MRAP: variants seen among roughly 807,000 people sequenced by gnomAD.
MRAP encodes the protein melanocortin 2 receptor accessory protein.
Under a neutral mutation model 8.7 loss-of-function variants are expected in MRAP, and 8 were observed. That is an observed-to-expected ratio of 0.92 (90% confidence interval 0.54 to 1.66). The LOEUF is 1.66. Ranked by LOEUF, MRAP falls within the 40% of genes most tolerant of loss-of-function variation. MRAP has a pLI of 0.00. For synonymous variants in MRAP, 95 were observed against 95.5 expected (o/e 1.00, Z 0.03); for missense variants, 237 against 217.1 (o/e 1.09, Z -0.58).
downstream of MRAP, chr21:32,314,732 GT>G: frequency 6.7e-7 from 1 of 1,500,640 alleles, no homozygotes; most frequent in Non-Finnish European, 9.2e-7. Flanking sequence ...ACAGGCCCGA[GT>G]TTATCATTTA....
chr21:32,311,916 A>AC lies in MRAP; in HGVS notation c.442dup (p.Leu148ProfsTer35). 5 of 1,613,718 alleles carry AC rather than the reference A, an allele frequency of 3.1e-6. No homozygotes were observed. Among genetic ancestry groups the AC allele is most frequent in the Non-Finnish European group, 4.2e-6 (5 of 1,180,018 alleles). ...CCACCCCACTCTCCTCTGGGAACTG[A>AC]CCCTCAATGGGGGTCCCCTCGTCAG... is the stretch of plus-strand genomic sequence containing the variant. On this transcript the variant is annotated frameshift_variant, in exon 3 of 3. Transcript: ENST00000303645. LOFTEE classifies it low-confidence loss of function (END_TRUNC).
chr21:32,309,855 A>G (rs890634899), intron 2 of MRAP, among the ~76,000 whole-genome samples: 2 of 151,844 alleles, frequency 1.3e-5, no homozygotes, highest in Non-Finnish European at 2.9e-5. Flanking sequence ...AGGCAAGAGA[A>G]TCGCTTGAAC....
At chr21:32,303,474 C>T (rs1203218370) in intron 1 of MRAP, among the ~76,000 whole-genome samples, 2 of 152,220 alleles carry the variant, frequency 1.3e-5, no homozygotes, top group Non-Finnish European at 2.9e-5. Flanking sequence ...GCCATGCCAT[C>T]CAGAACCATT....
At chr21:32,300,373 CTA>C (rs952007442) in intron 1 of MRAP, among the ~76,000 whole-genome samples, 17 of 147,448 alleles carry the variant, frequency 1.2e-4, no homozygotes, top group African/African-American at 3.8e-4. Flanking sequence ...GTCACACATC[CTA>C]TGTCAGGGGC....
intron 1 of MRAP, chr21:32,291,933 A>T (rs1264949896): frequency 1.3e-5 from 2 of 152,214 alleles, no homozygotes; most frequent in East Asian, 3.8e-4. Flanking sequence ...TTAGAAAGAG[A>T]GAGAGTAAGA....
upstream of MRAP, among the ~76,000 whole-genome samples, chr21:32,296,327 A>G (rs955884348): frequency 4.6e-5 from 7 of 152,242 alleles, no homozygotes; most frequent in African/African-American, 1.7e-4. Context: ...AGCACAATTC[A>G]GCCCAGAATA....
At chr21:32,294,157 C>G (rs1423090346), upstream of MRAP, among the ~76,000 whole-genome samples, 22 of 152,174 alleles carry the variant, frequency 1.4e-4, no homozygotes. Context: ...CTCAGTTGCC[C>G]AGGCTGGAGT....
At chr21:32,314,493 A>G, downstream of MRAP, 2 of 1,526,798 alleles carry the variant, frequency 1.3e-6, no homozygotes, top group Non-Finnish European at 1.8e-6. Context: ...TGAAAAATAA[A>G]CTTTAAACAT....
At chr21:32,302,473 A>G (rs1214381940) in intron 1 of MRAP, among the ~76,000 whole-genome samples, 1 of 152,248 alleles carries the variant, frequency 6.6e-6, no homozygotes, top group East Asian at 1.9e-4. Context: ...TGGTACATTC[A>G]TTGAGAAAGT....
intron 1 of MRAP, among the ~76,000 whole-genome samples, chr21:32,303,984 A>AT (rs1257313268): frequency 2.6e-5 from 4 of 152,186 alleles, no homozygotes; most frequent in Non-Finnish European, 5.9e-5. Context: ...TTCTTGCTCA[A>AT]TATCTGGGGA....
In MRAP at chr21:32,306,664, T is replaced by C. The variant is rs773369978; in HGVS notation, c.131T>C (p.Val44Ala). The change falls in exon 2 of 3, where the codon GTG becomes GCG. Residue 44 changes from valine (V) to alanine (A), a missense_variant. Val to Ala is a moderately conservative substitution (Grantham distance 64). Coordinates refer to ENST00000303645, the MANE Select transcript of MRAP (RefSeq NM_001379228.1). ...HKHSIVIAFW[V>A]SLAAFVVLLF... is the part of the protein sequence containing the mutation. ...GATTCCATCGTGATCGCATTCTGGG[T>C]GAGCCTGGCTGCCTTCGTGGTGCTG... The C allele has an allele frequency of 1.2e-6, 2 of 1,614,140 alleles. No homozygotes were observed. The highest frequency in any genetic ancestry group is 1.7e-6 in the Non-Finnish European group (2 of 1,180,020).
chr21:32,298,993 T>C lies in MRAP; in HGVS notation c.22T>C (p.Ser8Pro). MANGTNA[S>P]APYYSYEYYL... ...AGACATGGCCAACGGGACCAACGCC[T>C]CTGCCCCATACTACAGCTATGAATA... Residue 8 changes from serine to proline, a missense_variant, in exon 1 of 3, where the codon TCT becomes CCT. Transcript: ENST00000303645. 6.2e-7 allele frequency: 1 copy of C among 1,614,114 alleles called. No homozygotes were observed. Among genetic ancestry groups the C allele is most frequent in the Non-Finnish European group, 8.5e-7 (1 of 1,179,966 alleles).
intron 1 of MRAP, chr21:32,291,884 G>A (rs1349362595): frequency 1.3e-5 from 2 of 151,948 alleles, no homozygotes; most frequent in Non-Finnish European, 2.9e-5. Context: ...TCTCAATTTT[G>A]CTATGAATAT....
Position 32,311,945 on chromosome 21 carries a change from C to T in MRAP, c.468C>T (p.Ser156=), listed in dbSNP as rs755878119. ...LTLNGGPLVR[S]KPSEPPPGDR... is the part of the protein sequence containing the mutation. ...TCAATGGGGGTCCCCTCGTCAGGAGCAAGCCCAGCGAGCCTCCCCCTGGAG... is the reference window on the plus strand; with the variant it reads ...TCAATGGGGGTCCCCTCGTCAGGAGTAAGCCCAGCGAGCCTCCCCCTGGAG... The change falls in exon 3 of 3, where the codon AGC becomes AGT. Residue 156 remains serine (S), a synonymous_variant. Coordinates refer to ENST00000303645, the MANE Select transcript of MRAP (RefSeq NM_001379228.1). 4 of 1,613,606 alleles carry T rather than the reference C, an allele frequency of 2.5e-6. No individual in the cohort carries two copies. In the Admixed American group the frequency reaches 6.7e-5, roughly 27 times the overall value.
chr21:32,294,511 A>T (rs542060271), upstream of MRAP, among the ~76,000 whole-genome samples: 1 of 152,098 alleles, frequency 6.6e-6, no homozygotes, highest in Non-Finnish European at 1.5e-5. Context: ...TTCTTTATAA[A>T]GTATCTGTTC....
At chr21:32,314,373 T>G (rs1349941264), downstream of MRAP, 3 of 557,910 alleles carry the variant, frequency 5.4e-6, no homozygotes, top group African/African-American at 3.8e-5. Flanking sequence ...TTAGTAGAGA[T>G]GGGGTTTCAC....
At chr21:32,299,446 T>C (rs2032207456) in intron 1 of MRAP, among the ~76,000 whole-genome samples, 1 of 152,128 alleles carries the variant, frequency 6.6e-6, no homozygotes, top group South Asian at 2.1e-4. Flanking sequence ...GTAATCCTCC[T>C]ACCTCAGCCT....
In MRAP at chr21:32,293,696, GA is replaced by G. The variant is rs138534513; in HGVS notation, c.-11+570del. Among the ~76,000 whole-genome samples, 682 of 152,184 alleles carry G rather than the reference GA, an allele frequency of 4.5e-3. 1 individual carries two copies. Among genetic ancestry groups the G allele is most frequent in the Non-Finnish European group, 8.2e-3 (555 of 67,978 alleles). On this transcript the variant is annotated intron_variant, in intron 2 of 4. Transcript: ENST00000399784. ...CACTAATGTAATAGAAAACATCCTA[GA>G]AAAAAGAACTTCACCTTCAAGACTT...
upstream of MRAP, among the ~76,000 whole-genome samples, chr21:32,298,375 C>G (rs1408975145): frequency 6.6e-6 from 1 of 151,936 alleles, no homozygotes; most frequent in African/African-American, 2.4e-5. Flanking sequence ...GCAGGGGGCT[C>G]TCTTTTGGTT....
Sources: allele counts gnomAD v4.1 joint callset (sites outside exome capture counted in the v4.1 genomes callset), GRCh38; gene constraint gnomAD v4.1.1; transcripts MANE v1.5; gene names NCBI Gene and HGNC (gene_info 2026-07-23, HGNC 2026-07-21).